Variants in AGBL4 observed in about 807,000 individuals in gnomAD.
AGBL4 encodes the protein cytosolic carboxypeptidase 6.
Under a neutral mutation model 66.4 loss-of-function variants are expected in AGBL4, and 58 were observed. That is an observed-to-expected ratio of 0.87 (90% CI 0.71 to 1.09). The LOEUF (loss-of-function observed/expected upper bound fraction) is 1.09, where lower values mean the gene tolerates loss of function less well. Ranked by LOEUF, AGBL4 falls within the 50% of genes least tolerant of loss-of-function variation. The probability of loss-of-function intolerance (pLI) is 0.00; values close to 1 mark genes in which losing one functional copy is unlikely to be tolerated. For missense variants in AGBL4, 579 were observed against 631.0 expected, an observed-to-expected ratio of 0.92 and a Z score of 0.88; for synonymous variants, 234 against 222.9, an observed-to-expected ratio of 1.05 and a Z score of -0.44.
intron 6 of AGBL4, among the ~76,000 whole-genome samples, chr1:48,819,840 C>T (rs1168769299): frequency 6.6e-6 from 1 of 152,184 alleles, no homozygotes; most frequent in Non-Finnish European, 1.5e-5. Flanking sequence ...TGCTCACACA[C>T]ATCCAGTGAT....
At chr1:48,741,894 T>C (rs1426006582) in intron 6 of AGBL4, among the ~76,000 whole-genome samples, 1 of 152,230 alleles carries the variant, frequency 6.6e-6, no homozygotes, top group African/African-American at 2.4e-5. Flanking sequence ...TCTTCAAAGA[T>C]CAATTCAATT....
At chr1:49,945,764 G>A (rs898689767) in intron 1 of AGBL4, among the ~76,000 whole-genome samples, 1 of 152,042 alleles carries the variant, frequency 6.6e-6, no homozygotes, top group African/African-American at 2.4e-5. Context: ...AAAAGATACA[G>A]AATTGCAAAA....
chr1:49,232,848 C>T (rs1214571129), intron 4 of AGBL4, among the ~76,000 whole-genome samples: 1 of 151,102 alleles, frequency 6.6e-6, no homozygotes, highest in South Asian at 2.1e-4. Context: ...AAAGAACACA[C>T]AAAAAGAACA....
intron 2 of AGBL4, among the ~76,000 whole-genome samples, chr1:49,796,607 CA>C (rs909100802): frequency 2.7e-5 from 4 of 150,076 alleles, no homozygotes; most frequent in African/African-American, 9.8e-5. Context: ...GTGAAAAGCA[CA>C]AAAAAAATTA....
intron 5 of AGBL4, among the ~76,000 whole-genome samples, chr1:48,929,605 C>T (rs772785519): frequency 4.6e-5 from 7 of 152,170 alleles, no homozygotes; most frequent in Admixed American, 6.6e-5. Context: ...CCTATCTTAA[C>T]TATAAACTCC....
At chr1:49,235,219 G>A (rs1000195758) in intron 4 of AGBL4, among the ~76,000 whole-genome samples, 1 of 152,072 alleles carries the variant, frequency 6.6e-6, no homozygotes, top group Non-Finnish European at 1.5e-5. Context: ...ACAGCACCAC[G>A]CCCCACAAAT....
chr1:48,677,859 G>A (rs561455805), intron 6 of AGBL4, among the ~76,000 whole-genome samples: 1 of 152,330 alleles, frequency 6.6e-6, no homozygotes, highest in South Asian at 2.1e-4. Context: ...GGGGACACTA[G>A]GGTGATGGGG....
chr1:48,769,000 A>G (rs532684258), intron 6 of AGBL4, among the ~76,000 whole-genome samples: 2 of 152,324 alleles, frequency 1.3e-5, no homozygotes, highest in South Asian at 4.1e-4. Flanking sequence ...GCAGAAAGAC[A>G]TCAGGAGACA....
At chr1:49,307,228 A>G (rs888638150) in intron 3 of AGBL4, among the ~76,000 whole-genome samples, 3 of 152,182 alleles carry the variant, frequency 2.0e-5, no homozygotes, top group Non-Finnish European at 4.4e-5. Flanking sequence ...CACTGTCTCC[A>G]CCACTGACCA....
chr1:49,743,377 G>A (rs2147815081), intron 2 of AGBL4, among the ~76,000 whole-genome samples: 1 of 152,272 alleles, frequency 6.6e-6, no homozygotes, highest in Admixed American at 6.5e-5. Context: ...CAGTTAGAAT[G>A]GCCATCATTA....
chr1:49,856,239 G>A (rs1239459853), intron 1 of AGBL4, among the ~76,000 whole-genome samples: 1 of 152,022 alleles, frequency 6.6e-6, no homozygotes, highest in Non-Finnish European at 1.5e-5. Flanking sequence ...AAGATTGAAT[G>A]AGTAATTTTA....
At chr1:49,267,714 A>T (rs1442397057) in intron 3 of AGBL4, among the ~76,000 whole-genome samples, 1 of 152,232 alleles carries the variant, frequency 6.6e-6, no homozygotes, top group African/African-American at 2.4e-5. Flanking sequence ...TGGGTAATTT[A>T]TAAAGAAAAA....
intron 5 of AGBL4, among the ~76,000 whole-genome samples, chr1:48,936,566 T>C (rs1424994277): frequency 1.3e-5 from 2 of 152,172 alleles, no homozygotes; most frequent in East Asian, 3.9e-4. Context: ...TGATGGTTGA[T>C]TGTAACACTG....
intron 5 of AGBL4, among the ~76,000 whole-genome samples, chr1:48,881,852 T>C (rs1363129629): frequency 6.6e-6 from 1 of 152,194 alleles, no homozygotes; most frequent in Non-Finnish European, 1.5e-5. Context: ...GGACCTACTC[T>C]ACTTAGGAAG....
intron 3 of AGBL4, among the ~76,000 whole-genome samples, chr1:49,651,229 T>C (rs910217957): frequency 6.6e-6 from 1 of 152,122 alleles, no homozygotes; most frequent in African/African-American, 2.4e-5. Flanking sequence ...GGAAAAGGAT[T>C]GTGTTCCTGC....
chr1:48,687,308 G>C (rs533142947), intron 6 of AGBL4, among the ~76,000 whole-genome samples: 169 of 152,278 alleles, frequency 1.1e-3, no homozygotes, highest in Non-Finnish European at 2.0e-3. Flanking sequence ...AAGTTAAATG[G>C]GTATCCAGAG....
intron 3 of AGBL4, among the ~76,000 whole-genome samples, chr1:49,504,064 AG>A (rs1648453297): frequency 6.6e-6 from 1 of 152,138 alleles, no homozygotes; most frequent in Non-Finnish European, 1.5e-5. Context: ...CCACAAATCA[AG>A]GGTGGGACAA....
chr1:49,680,168 A>T lies in AGBL4; in HGVS notation c.282+17145T>A, dbSNP rs185094421. ...CAGGTTCAAGAGATTCTCCTGCCTCAGTCTCCCGAGTAGCTGGGACTACAG... is the reference window on the plus strand; with the variant it reads ...CAGGTTCAAGAGATTCTCCTGCCTCTGTCTCCCGAGTAGCTGGGACTACAG... On this transcript the variant is annotated intron_variant, in intron 3 of 13. Transcript: ENST00000371839. 5.1e-4 allele frequency among the ~76,000 whole-genome samples: 76 copies of T among 148,488 alleles called. No individual in the cohort carries two copies. In the East Asian group the frequency reaches 0.014, roughly 27 times the overall value.
At chr1:48,934,348 G>A (rs140970410) in intron 5 of AGBL4, among the ~76,000 whole-genome samples, 60 of 152,176 alleles carry the variant, frequency 3.9e-4, no homozygotes, top group African/African-American at 1.4e-3. Flanking sequence ...GCAAGGCAGG[G>A]TGACCACATG....
Sources: allele counts gnomAD v4.1 joint callset (sites outside exome capture counted in the v4.1 genomes callset), GRCh38; gene constraint gnomAD v4.1.1; transcripts MANE v1.5; gene names NCBI Gene and HGNC (gene_info 2026-07-23, HGNC 2026-07-21).